Variants in ZNF410 observed in about 807,000 individuals in gnomAD.
ZNF410 encodes zinc finger protein 410.
ZNF410 carries 18 observed loss-of-function variants against 54.8 expected under a neutral mutation model. That is an observed-to-expected ratio of 0.33 (90% CI 0.23 to 0.49). The LOEUF (loss-of-function observed/expected upper bound fraction) is 0.49, where lower values mean the gene tolerates loss of function less well. ZNF410 is among the 20% of genes least tolerant of loss of function. ZNF410 has a pLI of 0.99. For missense variants in ZNF410, 405 were observed against 569.6 expected (o/e 0.71, Z 2.94); for synonymous variants, 191 against 207.3 (o/e 0.92, Z 0.68).
At chr14:73,915,187 AG>A (rs1420408231) in intron 8 of ZNF410, among the ~76,000 whole-genome samples, 1 of 148,796 alleles carries the variant, frequency 6.7e-6, no homozygotes, top group African/African-American at 2.5e-5. Context: ...GCTTAAACCC[AG>A]GAGGTGGAGG....
intron 1 of ZNF410, among the ~76,000 whole-genome samples, chr14:73,890,351 C>A (rs1280537592): frequency 6.6e-6 from 1 of 151,942 alleles, no homozygotes; most frequent in Non-Finnish European, 1.5e-5. Context: ...ACATGCCCGG[C>A]TAATTTTTGT....
chr14:73,931,876 CT>C lies in ZNF410; in HGVS notation c.*338del. ...TTCTGACTGTTGAGGGGAGGTTTTC[CT>C]TTGAAGAGTTTTCATCCCAGACTCA... is the stretch of plus-strand genomic sequence containing the variant. On this transcript the variant is annotated 3_prime_UTR_variant, in exon 12 of 12. Coordinates refer to ENST00000555044, the MANE Select transcript of ZNF410 (RefSeq NM_021188.3). 2.2e-6 allele frequency: 1 copy of C among 445,960 alleles called. No homozygotes were observed. The highest frequency in any genetic ancestry group is 1.6e-5 in the South Asian group (1 of 60,962). The allele number at this position is 445,960 out of a possible 1,614,324, so 27.6% of individuals were successfully genotyped here.
chr14:73,915,343 AT>A (rs1216492554), intron 8 of ZNF410, among the ~76,000 whole-genome samples: 92 of 143,192 alleles, frequency 6.4e-4, no homozygotes, highest in Non-Finnish European at 5.5e-4. Context: ...TTCATGATTA[AT>A]TTTTTTTTTT....
chr14:73,896,026 C>T, intron 3 of ZNF410: 1 of 363,908 alleles, frequency 2.7e-6, no homozygotes, highest in Non-Finnish European at 5.0e-6. Flanking sequence ...GATTTCTGGC[C>T]TCAAAAAGGA....
At chr14:73,905,972 T>C (rs12589070) in intron 7 of ZNF410, among the ~76,000 whole-genome samples, 2,446 of 28,454 alleles carry the variant, frequency 0.086, 71 homozygotes, top group Middle Eastern at 0.13. Context: ...CACACACATA[T>C]ATATATATAT....
At chr14:73,923,600 T>C in intron 11 of ZNF410, 78 bp downstream of exon 11, 1 of 1,515,658 alleles carries the variant, frequency 6.6e-7, no homozygotes, top group Non-Finnish European at 8.9e-7. Context: ...CCTGAAAAAG[T>C]CTCCAGTTTC....
intron 2 of ZNF410, chr14:73,893,359 A>G (rs1047499149): frequency 1.3e-5 from 2 of 153,582 alleles, no homozygotes; most frequent in African/African-American, 4.8e-5. Context: ...GTATACTTAC[A>G]CAAACCTGTA....
intron 4 of ZNF410, among the ~76,000 whole-genome samples, chr14:73,897,121 A>G (rs1433482168): frequency 3.3e-5 from 5 of 152,030 alleles, no homozygotes; most frequent in Non-Finnish European, 7.4e-5. Context: ...AAGATACTAA[A>G]TCATGCCAAA....
chr14:73,911,840 G>C (rs1381589580), intron 8 of ZNF410, among the ~76,000 whole-genome samples: 3 of 148,008 alleles, frequency 2.0e-5, no homozygotes, highest in East Asian at 3.9e-4. Context: ...ACATTGAGTT[G>C]TTGTTGTTGT....
intron 8 of ZNF410, among the ~76,000 whole-genome samples, chr14:73,918,439 C>T (rs2055702074): frequency 6.6e-6 from 1 of 151,906 alleles, no homozygotes; most frequent in African/African-American, 2.4e-5. Flanking sequence ...TATTTTTTAT[C>T]TGCTTGGTTG....
intron 11 of ZNF410, 105 bp from the exon 12 acceptor site, chr14:73,931,398 C>G (rs1409182295): frequency 4.2e-6 from 4 of 957,030 alleles, no homozygotes; most frequent in Non-Finnish European, 6.4e-6. Flanking sequence ...TCATTCACCC[C>G]TGTAGTGCAT....
chr14:73,930,282 T>C (rs897420462), intron 11 of ZNF410, among the ~76,000 whole-genome samples: 3 of 152,190 alleles, frequency 2.0e-5, no homozygotes, highest in African/African-American at 7.2e-5. Flanking sequence ...ATTTTTTCTT[T>C]AGATTTTGTT....
At chr14:73,896,211 G>T in intron 3 of ZNF410, 105 bp from the exon 4 acceptor site, 1 of 763,124 alleles carries the variant, frequency 1.3e-6, no homozygotes, top group East Asian at 2.6e-5. Context: ...GCTGTCTGTT[G>T]CTATAAGGAT....
At chr14:73,931,115 A>G (rs962541143) in intron 11 of ZNF410, among the ~76,000 whole-genome samples, 3 of 152,012 alleles carry the variant, frequency 2.0e-5, no homozygotes, top group African/African-American at 7.3e-5. Flanking sequence ...TCCTCTTCCT[A>G]TTTCCTTCTC....
At chr14:73,918,768 G>A (rs1360530182) in intron 8 of ZNF410, among the ~76,000 whole-genome samples, 2 of 139,362 alleles carry the variant, frequency 1.4e-5, no homozygotes, top group African/African-American at 2.7e-5. Flanking sequence ...GCGTGATGTC[G>A]GCTCACTGCA....
In ZNF410 at chr14:73,927,849, A is replaced by T. The variant is rs11852038; in HGVS notation, c.1399-3654A>T. 1.4e-3 allele frequency: 136 copies of T among 97,038 alleles called. 2 individuals are homozygous for T. The highest frequency in any genetic ancestry group is 5.7e-3 in the Middle Eastern group (1 of 176). 6.0% of individuals were successfully genotyped at this position (97,038 alleles called of 1,614,324 possible). A position where few individuals can be genotyped will look rare whatever the true frequency, so the allele number is the denominator to read the frequency against. ...AACCGGCAATTTTTTTTTTTTTTTT[A>T]ATTTTTTAGACGGAGTCTCACTCTG... On this transcript the variant is annotated intron_variant, in intron 11 of 11. Transcript: ENST00000555044.
chr14:73,904,534 G>A (rs1315955706), intron 6 of ZNF410, among the ~76,000 whole-genome samples: 2 of 152,124 alleles, frequency 1.3e-5, no homozygotes, highest in African/African-American at 4.8e-5. Context: ...CGCCATCATA[G>A]CTCACTGCAG....
chr14:73,909,021 C>T (rs2055535517), intron 7 of ZNF410, among the ~76,000 whole-genome samples: 1 of 152,134 alleles, frequency 6.6e-6, no homozygotes, highest in Non-Finnish European at 1.5e-5. Flanking sequence ...ACAGCATATA[C>T]AGTATTAATC....
intron 2 of ZNF410, among the ~76,000 whole-genome samples, chr14:73,893,107 C>T (rs549583066): frequency 1.3e-5 from 2 of 152,020 alleles, no homozygotes; most frequent in Non-Finnish European, 2.9e-5. Flanking sequence ...TTAAATCTTA[C>T]TGGGTTAATG....
Sources: allele counts gnomAD v4.1 joint callset (sites outside exome capture counted in the v4.1 genomes callset), GRCh38; gene constraint gnomAD v4.1.1; transcripts MANE v1.5; gene names NCBI Gene and HGNC (gene_info 2026-07-23, HGNC 2026-07-21).